Variants in WNT3 observed in about 807,000 individuals in gnomAD.
The protein encoded by WNT3 is Wnt family member 3, also known as proto-oncogene Wnt-3.
A neutral mutation model predicts 34.2 loss-of-function variants in WNT3; 7 were observed. The observed-to-expected ratio is 0.20, with a 90% CI of 0.12 to 0.38. The LOEUF is 0.38. WNT3 is among the 10% of genes least tolerant of loss of function. The pLI is 1.00. For synonymous variants in WNT3, 212 were observed against 211.5 expected, an observed-to-expected ratio of 1.00 and a Z score of -0.02; for missense variants, 267 against 499.8, an observed-to-expected ratio of 0.53 and a Z score of 4.44.
At chr17:46,808,857 C>G (rs1314678109) in intron 1 of WNT3, among the ~76,000 whole-genome samples, 1 of 152,144 alleles carries the variant, frequency 6.6e-6, no homozygotes, top group Non-Finnish European at 1.5e-5. Flanking sequence ...AAAGGCTCAT[C>G]TCCACTCCTG....
chr17:46,770,376 T>C (rs1197192653), intron 2 of WNT3, among the ~76,000 whole-genome samples: 1 of 152,218 alleles, frequency 6.6e-6, no homozygotes, highest in Non-Finnish European at 1.5e-5. Context: ...AGGCAGCCAC[T>C]TCTGTCCTGG....
At chr17:46,774,362 G>GCA (rs1336750879) in intron 1 of WNT3, among the ~76,000 whole-genome samples, 141 of 152,066 alleles carry the variant, frequency 9.3e-4, no homozygotes, top group Middle Eastern at 3.4e-3. Context: ...GCGCGCGCGC[G>GCA]CACACACACA....
intron 1 of WNT3, among the ~76,000 whole-genome samples, chr17:46,779,103 A>ACACACACACACACACACACACACACACC (rs749719578): frequency 3.0e-5 from 4 of 133,588 alleles, no homozygotes; most frequent in East Asian, 5.1e-4. Flanking sequence ...ACACACACAC[A>ACACACACACACACACACACACACACACC]CCCCAGCCCA....
chr17:46,811,621 G>T (rs1267121431), intron 1 of WNT3, among the ~76,000 whole-genome samples: 7 of 152,194 alleles, frequency 4.6e-5, no homozygotes, highest in Admixed American at 4.6e-4. Flanking sequence ...CAGCAGGACA[G>T]GGTGCCCGAA....
chr17:46,814,453 C>T (rs989211154), intron 1 of WNT3, among the ~76,000 whole-genome samples: 2 of 152,108 alleles, frequency 1.3e-5, no homozygotes, highest in East Asian at 1.9e-4. Flanking sequence ...GCGGGGTGAG[C>T]GGGAGGGCTG....
At chr17:46,790,716 T>C (rs1333192523) in intron 1 of WNT3, among the ~76,000 whole-genome samples, 1 of 152,148 alleles carries the variant, frequency 6.6e-6, no homozygotes, top group African/African-American at 2.4e-5. Flanking sequence ...CAAATCTCCA[T>C]GTTCACGGCC....
At chr17:46,808,973 C>A (rs1005976775) in intron 1 of WNT3, among the ~76,000 whole-genome samples, 2 of 152,138 alleles carry the variant, frequency 1.3e-5, no homozygotes, top group African/African-American at 4.8e-5. Context: ...CAAGTGGGGT[C>A]CGAGCTGAGC....
intron 1 of WNT3, among the ~76,000 whole-genome samples, chr17:46,786,202 AAG>A (rs1484440440): frequency 2.6e-5 from 4 of 151,910 alleles, no homozygotes; most frequent in African/African-American, 4.8e-5. Flanking sequence ...GGGAGGAGGA[AAG>A]AGAGTGGAAA....
chr17:46,802,966 A>G (rs2084145026), intron 1 of WNT3, among the ~76,000 whole-genome samples: 1 of 152,212 alleles, frequency 6.6e-6, no homozygotes, highest in South Asian at 2.1e-4. Flanking sequence ...GTCAGTCAGG[A>G]GCACATGTAA....
intron 1 of WNT3, among the ~76,000 whole-genome samples, chr17:46,786,281 C>T (rs756074182): frequency 2.6e-5 from 4 of 152,066 alleles, no homozygotes; most frequent in South Asian, 2.1e-4. Flanking sequence ...ACAGGAGAAG[C>T]GGGGGATGGA....
intron 1 of WNT3, among the ~76,000 whole-genome samples, chr17:46,809,867 C>T (rs2084248504): frequency 6.6e-6 from 1 of 152,166 alleles, no homozygotes; most frequent in Non-Finnish European, 1.5e-5. Context: ...GCTGAGGACT[C>T]CCCTGTCCAG....
Position 46,768,142 on chromosome 17 carries a change from C to G in WNT3, c.*8+170G>C, listed in dbSNP as rs1022460363. Among the ~76,000 whole-genome samples, 1 of 152,184 alleles carries G rather than the reference C, an allele frequency of 6.6e-6. No individual in the cohort carries two copies. The highest frequency in any genetic ancestry group is 2.4e-5 in the African/African-American group (1 of 41,444). On this transcript the variant is annotated intron_variant, in intron 4 of 4. Transcript: ENST00000225512. The surrounding 1 kb of genome is among the most constrained non-coding windows in gnomAD (Gnocchi z 5.0). ...AATCCACCAAGTCTCTGCCCAAGGA[C>G]CATTCCCACGGATGCTTGAAAAATC...
chr17:46,801,477 G>A (rs566165540), intron 1 of WNT3, among the ~76,000 whole-genome samples: 5 of 152,210 alleles, frequency 3.3e-5, no homozygotes, highest in East Asian at 1.9e-4. Flanking sequence ...AAAATTAGCC[G>A]AGCATGGTGG....
At chr17:46,770,154 T>C (rs1461278132) in intron 2 of WNT3, 106 bp from the exon 3 acceptor site, 1 of 1,407,218 alleles carries the variant, frequency 7.1e-7, no homozygotes. Flanking sequence ...CCAGGAAGAG[T>C]TGAAGAGCTC....
At chr17:46,769,597 CAAG>C (rs1488533926) in intron 3 of WNT3, among the ~76,000 whole-genome samples, 183 bp downstream of exon 3, 2 of 151,996 alleles carry the variant, frequency 1.3e-5, no homozygotes, top group Non-Finnish European at 2.9e-5. Context: ...AGGAACTGCC[CAAG>C]GAGGAAGGAG....
intron 1 of WNT3, among the ~76,000 whole-genome samples, chr17:46,806,090 TAAGC>T (rs2084190544): frequency 6.6e-6 from 1 of 152,168 alleles, no homozygotes; most frequent in Non-Finnish European, 1.5e-5. Flanking sequence ...CGGGACATCA[TAAGC>T]GAGGAATTAC....
chr17:46,770,874 A>G lies in WNT3; in HGVS notation c.323-826T>C, dbSNP rs140532481. Reference sequence around the variant, plus strand: ...TTTTACTCATTTTATAGATGTGGACATTGACGATTAGGGAGGCCAAGGCCT... The same window carrying G: ...TTTTACTCATTTTATAGATGTGGACGTTGACGATTAGGGAGGCCAAGGCCT... On this transcript the variant is annotated intron_variant, in intron 2 of 4. Coordinates refer to ENST00000225512, the MANE Select transcript of WNT3 (RefSeq NM_030753.5). 2.9e-3 allele frequency among the ~76,000 whole-genome samples: 448 copies of G among 152,336 alleles called. 1 individual carries two copies. The highest frequency in any genetic ancestry group is 0.01 in the African/African-American group (421 of 41,578).
rs539027438 is a variant in WNT3, at chr17:46,763,778, A to C, written c.*852T>G. ...GCTTATTTATTTAGGAAGCCATTTG[A>C]GCTAGAGAAGACTTGCCCCCTTACA... On this transcript the variant is annotated 3_prime_UTR_variant, in exon 5 of 5. Transcript: ENST00000225512. 44 of 148,494 alleles carry C rather than the reference A, an allele frequency of 3.0e-4. No homozygotes were observed. Among genetic ancestry groups the C allele is most frequent in the African/African-American group, 1.0e-3 (40 of 40,182 alleles). 9.2% of individuals were successfully genotyped at this position (148,494 alleles called of 1,614,324 possible).
chr17:46,769,237 A>G (rs2059341015), intron 3 of WNT3, among the ~76,000 whole-genome samples: 1 of 148,084 alleles, frequency 6.8e-6, no homozygotes, highest in Non-Finnish European at 1.5e-5. Flanking sequence ...AATTGCTTGA[A>G]CTCGGGAGGC....
Sources: allele counts gnomAD v4.1 joint callset (sites outside exome capture counted in the v4.1 genomes callset), GRCh38; gene constraint gnomAD v4.1.1; non-coding constraint Gnocchi (gnomAD v3.1); transcripts MANE v1.5; gene names NCBI Gene and HGNC (gene_info 2026-07-23, HGNC 2026-07-21).